The following STPG2 variants were observed in gnomAD, a reference collection of about 807,000 sequenced individuals.
STPG2 encodes sperm tail PG-rich repeat containing 2.
A neutral mutation model predicts 54.2 loss-of-function variants in STPG2; 56 were observed. The ratio of observed to expected loss-of-function variants is 1.03; its 90% CI spans 0.83 to 1.29. The LOEUF (loss-of-function observed/expected upper bound fraction) is 1.29, where lower values mean the gene tolerates loss of function less well. STPG2 is among the 50% of genes most tolerant of loss of function. STPG2 has a pLI of 0.00. For synonymous variants in STPG2, 200 were observed against 181.8 expected, an observed-to-expected ratio of 1.10 and a Z score of -0.81; for missense variants, 596 against 544.9, an observed-to-expected ratio of 1.09 and a Z score of -0.93.
chr4:97,587,321 G>C (rs1213327950), intron 10 of STPG2, among the ~76,000 whole-genome samples: 1 of 151,704 alleles, frequency 6.6e-6, no homozygotes, highest in Non-Finnish European at 1.5e-5. Context: ...TTATAATTAG[G>C]TACCATTGTA....
chr4:97,540,930 T>TA (rs1305359442), intron 4 of STPG2, among the ~76,000 whole-genome samples: 1 of 152,150 alleles, frequency 6.6e-6, no homozygotes, highest in Non-Finnish European at 1.5e-5. Flanking sequence ...CCATTCATGC[T>TA]AAAAACTCTC....
chr4:97,571,239 G>C (rs940816816), intron 10 of STPG2, among the ~76,000 whole-genome samples: 1 of 151,982 alleles, frequency 6.6e-6, no homozygotes, highest in Non-Finnish European at 1.5e-5. Context: ...AAATTCAATA[G>C]ATGATAGCCT....
At chr4:97,884,546 G>A (rs948080563) in intron 8 of STPG2, among the ~76,000 whole-genome samples, 8 of 152,192 alleles carry the variant, frequency 5.3e-5, no homozygotes, top group Middle Eastern at 3.4e-3. Context: ...ACCACACTTC[G>A]CTCTTGCACT....
chr4:97,680,232 T>C lies in STPG2; in HGVS notation c.1320+32467A>G, dbSNP rs370255038. Reference sequence around the variant, plus strand: ...TTACCTTGGGCAGTATGGCCATTTTTACGATATTGATTCTTCCTACCCATG... The same window carrying C: ...TTACCTTGGGCAGTATGGCCATTTTCACGATATTGATTCTTCCTACCCATG... On this transcript the variant is annotated intron_variant, in intron 10 of 10. Transcript: ENST00000295268. 2.5e-4 allele frequency among the ~76,000 whole-genome samples: 38 copies of C among 151,632 alleles called. No homozygotes were observed. In the East Asian group the frequency reaches 5.6e-3, roughly 22 times the overall value.
At chr4:97,791,177 T>C (rs1406407311) in intron 9 of STPG2, among the ~76,000 whole-genome samples, 1 of 152,160 alleles carries the variant, frequency 6.6e-6, no homozygotes, top group Non-Finnish European at 1.5e-5. Context: ...AAAGGTGCAA[T>C]GAGATGGAAA....
chr4:97,769,057 G>A (rs539223457), intron 9 of STPG2, among the ~76,000 whole-genome samples: 3 of 152,314 alleles, frequency 2.0e-5, no homozygotes, highest in Non-Finnish European at 2.9e-5. Context: ...TAGCAAAGCT[G>A]CAAAGCTGCA....
At chr4:97,478,257 A>G (rs559839083) in intron 4 of STPG2, among the ~76,000 whole-genome samples, 23 of 152,338 alleles carry the variant, frequency 1.5e-4, no homozygotes, top group Non-Finnish European at 2.4e-4. Flanking sequence ...AGTATGGAGA[A>G]TCACAAGTAC....
intron 9 of STPG2, among the ~76,000 whole-genome samples, chr4:97,726,333 G>C (rs1486730795): frequency 6.6e-6 from 1 of 151,914 alleles, no homozygotes; most frequent in African/African-American, 2.4e-5. Context: ...TTCAAGTTTT[G>C]CAAAATGAAA....
chr4:97,922,502 G>T (rs1187176397), intron 8 of STPG2, among the ~76,000 whole-genome samples: 1 of 152,144 alleles, frequency 6.6e-6, no homozygotes, highest in Non-Finnish European at 1.5e-5. Flanking sequence ...ACAAAAAATG[G>T]TTGTATCTTA....
chr4:98,012,230 T>C (rs1268612360), intron 5 of STPG2, among the ~76,000 whole-genome samples: 2 of 152,202 alleles, frequency 1.3e-5, no homozygotes, highest in Admixed American at 1.3e-4. Flanking sequence ...TGCTTGTTTT[T>C]GTCAGGTTTG....
intron 9 of STPG2, among the ~76,000 whole-genome samples, chr4:97,806,192 A>T (rs1354438493): frequency 6.6e-6 from 1 of 152,262 alleles, no homozygotes; most frequent in African/African-American, 2.4e-5. Flanking sequence ...AGCCATAAAA[A>T]AGAATGAAAC....
At chr4:98,104,568 C>T (rs1303846988) in intron 5 of STPG2, among the ~76,000 whole-genome samples, 1 of 151,934 alleles carries the variant, frequency 6.6e-6, no homozygotes, top group Non-Finnish European at 1.5e-5. Context: ...ACTAAATATG[C>T]AAAAATAACA....
chr4:97,919,885 CT>C (rs772813359), intron 8 of STPG2, among the ~76,000 whole-genome samples: 3 of 151,992 alleles, frequency 2.0e-5, no homozygotes, highest in African/African-American at 7.2e-5. Flanking sequence ...CTGTCTATAA[CT>C]TTTTTTTACT....
intron 4 of STPG2, among the ~76,000 whole-genome samples, chr4:97,541,725 A>G (rs1044929643): frequency 8.5e-5 from 13 of 152,194 alleles, no homozygotes; most frequent in African/African-American, 2.7e-4. Context: ...AAACTATACT[A>G]CAAGGCTACA....
chr4:97,524,979 A>G (rs1731253604), intron 4 of STPG2, among the ~76,000 whole-genome samples: 1 of 151,962 alleles, frequency 6.6e-6, no homozygotes, highest in Non-Finnish European at 1.5e-5. Flanking sequence ...TAAAGATTCA[A>G]CATTTAACAG....
chr4:97,970,213 T>C (rs941212614), intron 7 of STPG2, among the ~76,000 whole-genome samples: 1 of 152,120 alleles, frequency 6.6e-6, no homozygotes, highest in Non-Finnish European at 1.5e-5. Flanking sequence ...GAATCAATAT[T>C]GTGAAAATGG....
At chr4:97,470,823 G>C (rs183861677) in intron 4 of STPG2, among the ~76,000 whole-genome samples, 2 of 152,114 alleles carry the variant, frequency 1.3e-5, no homozygotes, top group Non-Finnish European at 2.9e-5. Context: ...GAGATGAAGT[G>C]AGCTGAATGA....
At chr4:97,606,632 A>T (rs1038099604) in intron 10 of STPG2, among the ~76,000 whole-genome samples, 2 of 151,966 alleles carry the variant, frequency 1.3e-5, no homozygotes, top group African/African-American at 4.8e-5. Flanking sequence ...ATTTTTGTGA[A>T]AGATATTCTT....
intron 8 of STPG2, among the ~76,000 whole-genome samples, chr4:97,887,579 G>A (rs1730626760): frequency 6.6e-6 from 1 of 152,114 alleles, no homozygotes; most frequent in African/African-American, 2.4e-5. Context: ...TCATATACAT[G>A]AGGAAATCAA....
Sources: gnomAD v4.1 joint callset for allele counts (sites outside exome capture counted in the v4.1 genomes callset) on GRCh38, gnomAD v4.1.1 for gene constraint, MANE v1.5 for transcripts, NCBI Gene and HGNC (gene_info 2026-07-23, HGNC 2026-07-21) for gene names.